GLP1R: variants seen among roughly 807,000 people sequenced by gnomAD.
The protein encoded by GLP1R is glucagon like peptide 1 receptor.
GLP1R carries 32 observed loss-of-function variants against 68.4 expected under a neutral mutation model. The observed-to-expected ratio is 0.47, with a 90% confidence interval of 0.35 to 0.63. The LOEUF (loss-of-function observed/expected upper bound fraction) is 0.63, where lower values mean the gene tolerates loss of function less well. Among genes scored for constraint, GLP1R ranks in the 20% least tolerant of loss-of-function variants. GLP1R has a pLI of 0.00. For synonymous variants in GLP1R, 263 were observed against 244.4 expected (o/e 1.08, Z -0.71); for missense variants, 502 against 594.9 (o/e 0.84, Z 1.62).
chr6:39,090,320 G>A lies in GLP1R; in HGVS notation c.*4247G>A, dbSNP rs1167599432. ...TTTCCAATAACTCCCCAAGTCTCTT[G>A]GAATATATATGTATCTGAATCTCTC... On this transcript the variant is annotated 3_prime_UTR_variant, in exon 13 of 13. Transcript: ENST00000373256. Among the ~76,000 whole-genome samples the A allele has an allele frequency of 6.6e-6, 1 of 152,182 alleles. No homozygotes were observed. Among genetic ancestry groups the A allele is most frequent in the Non-Finnish European group, 1.5e-5 (1 of 68,042 alleles).
At chr6:39,073,814 G>T in intron 7 of GLP1R, 45 bp downstream of exon 7, 1 of 1,578,060 alleles carries the variant, frequency 6.3e-7, no homozygotes. Context: ...CACGGGGGTG[G>T]GAGACCTTGA....
At position 39,079,300 on chromosome 6, in the gene GLP1R, C is replaced by A; in HGVS notation, c.1043+100C>A. On this transcript the variant is annotated intron_variant, in intron 10 of 12. Coordinates refer to ENST00000373256, the MANE Select transcript of GLP1R (RefSeq NM_002062.5). This position sits in a 1 kb window ranked among gnomAD's most constrained non-coding sequence, Gnocchi z 4.5. ...GATCCTGGGATGCTTAGCTTAGAGC[C>A]CTACACTACCCTCTCCTTCCACCCA... The A allele has an allele frequency of 1.1e-6, 1 of 937,098 alleles. No homozygotes were observed. The highest frequency in any genetic ancestry group is 1.4e-5 in the South Asian group (1 of 73,096). 58.0% of individuals were successfully genotyped at this position (937,098 alleles called of 1,614,324 possible).
At chr6:39,056,375 C>T in intron 1 of GLP1R, 22 bp from the exon 2 acceptor site, 1 of 1,329,456 alleles carries the variant, frequency 7.5e-7, no homozygotes. Flanking sequence ...CCACAGGCCT[C>T]CCATATATGC....
Position 39,056,384 on chromosome 6 carries a change from G to A in GLP1R, c.79-13G>A. ...CTGAACCCACAGGCCTCCCATATAT[G>A]CCCTCCCCCCAGGGTGCCACTGTGT... On this transcript the variant is annotated splice_polypyrimidine_tract_variant and intron_variant, in intron 1 of 12. Transcript: ENST00000373256. 3 of 1,473,458 alleles carry A rather than the reference G, an allele frequency of 2.0e-6. No homozygotes were observed. Among genetic ancestry groups the A allele is most frequent in the Non-Finnish European group, 2.8e-6 (3 of 1,053,112 alleles). 91.3% of individuals were successfully genotyped at this position (1,473,458 alleles called of 1,614,324 possible). A position where few individuals can be genotyped will look rare whatever the true frequency, so the allele number is the denominator to read the frequency against.
intron 3 of GLP1R, among the ~76,000 whole-genome samples, chr6:39,065,150 G>GTCTC (rs370490271): frequency 6.6e-6 from 1 of 151,886 alleles, no homozygotes; most frequent in African/African-American, 2.4e-5. Flanking sequence ...GCAGGGCTGT[G>GTCTC]TCTCTCTCTC....
At chr6:39,075,976 T>C (rs1440296326) in intron 7 of GLP1R, among the ~76,000 whole-genome samples, 6 of 152,198 alleles carry the variant, frequency 3.9e-5, no homozygotes, top group African/African-American at 1.4e-4. Flanking sequence ...GTTTTCTAAA[T>C]GGGAGAAAGA....
rs1053420313 is a variant in GLP1R at position 39,089,121 on chromosome 6, G to A, written c.*3048G>A. Among the ~76,000 whole-genome samples the A allele has an allele frequency of 3.9e-5, 6 of 152,212 alleles. No homozygotes were observed. Among genetic ancestry groups the A allele is most frequent in the African/African-American group, 1.4e-4 (6 of 41,454 alleles). On this transcript the variant is annotated 3_prime_UTR_variant, in exon 13 of 13. Transcript: ENST00000373256. This position sits in a 1 kb window ranked among gnomAD's most constrained non-coding sequence, Gnocchi z 4.1. ...CATCTCCTTTGTAATTTATACTGGT[G>A]AGAGGAGGGGAAGGATGTGCTTTCC... is the stretch of plus-strand genomic sequence containing the variant.
rs1361491534 is a variant in GLP1R at position 39,089,698 on chromosome 6, G to T, written c.*3625G>T. ...ATAAAGTTAGGAGATGATGACTCCAGAATCATCACACCCGCTGTGCAGGTC... is the reference window on the plus strand; with the variant it reads ...ATAAAGTTAGGAGATGATGACTCCATAATCATCACACCCGCTGTGCAGGTC... On this transcript the variant is annotated 3_prime_UTR_variant, in exon 13 of 13. Coordinates refer to ENST00000373256, the MANE Select transcript of GLP1R (RefSeq NM_002062.5). This position sits in a 1 kb window ranked among gnomAD's most constrained non-coding sequence, Gnocchi z 4.1. Among the ~76,000 whole-genome samples, 1 of 152,148 alleles carries T rather than the reference G, an allele frequency of 6.6e-6. No individual in the cohort carries two copies. Among genetic ancestry groups the T allele is most frequent in the Non-Finnish European group, 1.5e-5 (1 of 68,028 alleles).
chr6:39,066,241 G>C lies in GLP1R; in HGVS notation c.447G>C (p.Thr149=). The change falls in exon 5 of 13, where the codon ACG becomes ACC. Residue 149 remains threonine (T), a synonymous_variant. Transcript: ENST00000373256. ...EQLLFLYIIY[T]VGYALSFSAL... ...TCCTGTTCCTCTACATCATCTACAC[G>C]GTGGGCTACGCACTCTCCTTCTCTG... 6.2e-7 allele frequency: 1 copy of C among 1,613,308 alleles called. No homozygotes were observed. The highest frequency in any genetic ancestry group is 8.5e-7 in the Non-Finnish European group (1 of 1,179,290).
At chr6:39,064,171 T>A (rs1356567048) in intron 3 of GLP1R, among the ~76,000 whole-genome samples, 1 of 146,080 alleles carries the variant, frequency 6.8e-6, no homozygotes, top group Non-Finnish European at 1.6e-5. Flanking sequence ...GCCTGGCTAA[T>A]TTTTTGTATT....
In GLP1R at chr6:39,072,920, C is replaced by T. The variant is rs763103077; in HGVS notation, c.568C>T (p.Arg190Ter). 4.3e-6 allele frequency: 7 copies of T among 1,613,952 alleles called. No homozygotes were observed. The highest frequency in any genetic ancestry group is 1.1e-5 in the South Asian group (1 of 91,078). ...GAACCTGTTTGCATCCTTCATCCTGCGAGCATTGTCCGTCTTCATCAAGGA... is the reference window on the plus strand; with the variant it reads ...GAACCTGTTTGCATCCTTCATCCTGTGAGCATTGTCCGTCTTCATCAAGGA... ...HLNLFASFIL[R>*]ALSVFIKDAA... Residue 190 changes from arginine (R) to a stop codon, truncating the protein, a stop_gained, in exon 6 of 13, where the codon CGA (arginine) becomes TGA (stop). Coordinates refer to ENST00000373256, the MANE Select transcript of GLP1R (RefSeq NM_002062.5). LOFTEE classifies it high-confidence loss of function.
chr6:39,065,677 G>T, intron 3 of GLP1R, 34 bp from the exon 4 acceptor site: 1 of 1,403,054 alleles, frequency 7.1e-7, no homozygotes, highest in Non-Finnish European at 9.9e-7. Flanking sequence ...CCCTATTCTG[G>T]GCTGAGGCTC....
At position 39,073,706 on chromosome 6, in the gene GLP1R, C is replaced by A. The variant is rs750772227; in HGVS notation, c.760C>A (p.Leu254Met). 1 of 1,613,946 alleles carries A rather than the reference C, an allele frequency of 6.2e-7. No individual in the cohort carries two copies. The change falls in exon 7 of 13, where the codon CTG (leucine) becomes ATG (methionine). Residue 254 changes from leucine to methionine, a missense_variant. By Grantham distance (15) the Leu-to-Met change is conservative (BLOSUM62 2). Transcript: ENST00000373256. ...GGTGGAGGGCGTGTACCTGTACACA[C>A]TGCTGGCCTTCTCGGTCTTATCTGA... ...LLVEGVYLYT[L>M]LAFSVLSEQW...
intron 5 of GLP1R, among the ~76,000 whole-genome samples, chr6:39,072,382 GA>G: frequency 6.6e-6 from 1 of 152,334 alleles, no homozygotes; most frequent in Middle Eastern, 3.4e-3. Context: ...ATTAGGTTAA[GA>G]AATGCCCCTG....
intron 12 of GLP1R, among the ~76,000 whole-genome samples, chr6:39,085,068 C>T (rs1486183531): frequency 6.6e-6 from 1 of 152,158 alleles, no homozygotes; most frequent in Non-Finnish European, 1.5e-5. Context: ...TGGCAGGTTC[C>T]AGCTAGGCCT....
intron 3 of GLP1R, among the ~76,000 whole-genome samples, chr6:39,062,916 T>C (rs113675152): frequency 0.015 from 2,217 of 152,316 alleles, 61 homozygotes; most frequent in African/African-American, 0.049. Context: ...GTTCAAAAAC[T>C]GATTCTGTGA....
intron 5 of GLP1R, among the ~76,000 whole-genome samples, chr6:39,068,079 C>A (rs989626550): frequency 6.6e-6 from 1 of 151,760 alleles, no homozygotes; most frequent in East Asian, 1.9e-4. Flanking sequence ...TAAATAAATA[C>A]AATTGTTTAT....
In GLP1R at chr6:39,048,797, G is replaced by C. The variant is rs762247478; in HGVS notation, c.-44G>C. 4 of 915,150 alleles carry C rather than the reference G, an allele frequency of 4.4e-6. No homozygotes were observed. The South Asian group carries it at 5.8e-5, about 13-fold the overall frequency. 56.7% of individuals were successfully genotyped at this position (915,150 alleles called of 1,614,324 possible). A position where few individuals can be genotyped will look rare whatever the true frequency, so the allele number is the denominator to read the frequency against. On this transcript the variant is annotated 5_prime_UTR_variant, in exon 1 of 13. Coordinates refer to ENST00000373256, the MANE Select transcript of GLP1R (RefSeq NM_002062.5). ...CAGCCCGGGATCAGTCTCCGCACGC[G>C]GTTCCGCAGGTGGCAGCGATGGCCC... is the stretch of plus-strand genomic sequence containing the variant.
intron 5 of GLP1R, among the ~76,000 whole-genome samples, chr6:39,069,616 C>T (rs1251922277): frequency 8.2e-5 from 12 of 146,936 alleles, no homozygotes; most frequent in South Asian, 4.4e-4. Flanking sequence ...CCAGCCTGGG[C>T]GACAGAGTGA....
Sources: gnomAD v4.1 joint callset for allele counts (sites outside exome capture counted in the v4.1 genomes callset) on GRCh38, gnomAD v4.1.1 for gene constraint, Gnocchi (gnomAD v3.1) non-coding constraint, MANE v1.5 for transcripts, NCBI Gene and HGNC (gene_info 2026-07-23, HGNC 2026-07-21) for gene names.